The following RET variants were observed in gnomAD, a reference collection of about 807,000 sequenced individuals.
RET encodes proto-oncogene tyrosine-protein kinase receptor Ret.
Under a neutral mutation model 118.3 loss-of-function variants are expected in RET, and 19 were observed. The observed-to-expected ratio is 0.16, with a 90% confidence interval of 0.11 to 0.24. The LOEUF (loss-of-function observed/expected upper bound fraction) is 0.24, where lower values mean the gene tolerates loss of function less well. RET is among the 10% of genes least tolerant of loss of function. The pLI is 1.00. For missense variants in RET, 1,219 were observed against 1,502.1 expected (o/e 0.81, Z 3.12); for synonymous variants, 597 against 644.1 (o/e 0.93, Z 1.11).
intron 1 of RET, among the ~76,000 whole-genome samples, chr10:43,083,888 A>G (rs542464309): frequency 1.3e-5 from 2 of 152,336 alleles, no homozygotes; most frequent in East Asian, 1.9e-4. Flanking sequence ...CTTAGTTCCA[A>G]AAAATTTGCA....
Position 43,104,964 on chromosome 10 carries a change from C to G in RET, c.638C>G (p.Pro213Arg), listed in dbSNP as rs1313234246. ...GCTTGGTGCGCAGGTGAGGGTCTGCCCTTCCGCTGCGCCCCGGACAGCCTG... is the reference window on the plus strand; with the variant it reads ...GCTTGGTGCGCAGGTGAGGGTCTGCGCTTCCGCTGCGCCCCGGACAGCCTG... ...AYRLLEGEGLPFRCAPDSLEV... is the reference protein window; with the variant it reads ...AYRLLEGEGLRFRCAPDSLEV... Residue 213 changes from proline to arginine, a missense_variant, in exon 4 of 20, where the codon CCC becomes CGC. Coordinates refer to ENST00000355710, the MANE Select transcript of RET (RefSeq NM_020975.6). 6.4e-7 allele frequency: 1 copy of G among 1,568,546 alleles called. No homozygotes were observed. Among genetic ancestry groups the G allele is most frequent in the Non-Finnish European group, 8.6e-7 (1 of 1,165,560 alleles).
chr10:43,129,542 TG>T lies in RET; in HGVS notation c.*1278del, dbSNP rs886047008. On this transcript the variant is annotated 3_prime_UTR_variant, in exon 20 of 20. Transcript: ENST00000355710. ...GATGCACAACACTCCTCCAGTCTTGTGGGGGCAGCTTTTGGGAAGTCTCAGC... is the reference window on the plus strand; with the variant it reads ...GATGCACAACACTCCTCCAGTCTTGTGGGGCAGCTTTTGGGAAGTCTCAGC... 5.5e-5 allele frequency: 13 copies of T among 237,696 alleles called. No individual in the cohort carries two copies. The highest frequency in any genetic ancestry group is 2.9e-4 in the African/African-American group (13 of 45,526). The allele number at this position is 237,696 out of a possible 1,614,324, so 14.7% of individuals were successfully genotyped here.
At chr10:43,111,577 G>A in intron 7 of RET, 112 bp downstream of exon 7, 1 of 1,248,318 alleles carries the variant, frequency 8.0e-7, no homozygotes, top group South Asian at 1.5e-5. Flanking sequence ...GGGGAGTGGG[G>A]AAGGCATGGA....
In RET at chr10:43,100,568, G is replaced by C. The variant is rs1235890606; in HGVS notation, c.183G>C (p.Glu61Asp). ...LYVHALRDAP[E>D]EVPSFRLGQH... is the part of the protein sequence containing the mutation. ...TCCATGCCCTGCGGGACGCCCCTGAGGAGGTGCCCAGCTTCCGCCTGGGCC... is the reference window on the plus strand; with the variant it reads ...TCCATGCCCTGCGGGACGCCCCTGACGAGGTGCCCAGCTTCCGCCTGGGCC... The change falls in exon 2 of 20, where the codon GAG becomes GAC. Residue 61 changes from glutamate (E) to aspartate (D), a missense_variant. By Grantham distance (45) the Glu-to-Asp change is conservative. Transcript: ENST00000355710. The C allele has an allele frequency of 6.2e-7, 1 of 1,613,908 alleles. No individual in the cohort carries two copies. The highest frequency in any genetic ancestry group is 8.5e-7 in the Non-Finnish European group (1 of 1,180,030).
chr10:43,123,860 C>A (rs1288458995), intron 17 of RET, 52 bp downstream of exon 17: 1 of 1,611,778 alleles, frequency 6.2e-7, no homozygotes, highest in African/African-American at 1.3e-5. Context: ...GAGGGGACAT[C>A]TGTGTGCATT....
At chr10:43,112,311 GC>G (rs34827976) in intron 8 of RET, 87 bp downstream of exon 8, 1,163,386 of 1,535,872 alleles carry the variant, frequency 0.76, 443,196 homozygotes, top group African/African-American at 0.84. Context: ...GCCTGGGGTG[GC>G]TCTCCCTGCT....
At chr10:43,109,441 T>G (rs1440223962) in intron 6 of RET, among the ~76,000 whole-genome samples, 1 of 149,398 alleles carries the variant, frequency 6.7e-6, no homozygotes, top group Non-Finnish European at 1.5e-5. Context: ...TGGGCCTCTC[T>G]TTTTTTCCCC....
At chr10:43,100,402 T>TTTTTCTTTAAGAA in intron 1 of RET, 57 bp from the exon 2 acceptor site, 1 of 1,540,320 alleles carries the variant, frequency 6.5e-7, no homozygotes, top group Non-Finnish European at 8.9e-7. Context: ...TTTTTTTTTT[T>TTTTTCTTTAAGAA]GTCCTTGAAG....
At chr10:43,108,362 T>C (rs1837832741) in intron 5 of RET, among the ~76,000 whole-genome samples, 1 of 152,180 alleles carries the variant, frequency 6.6e-6, no homozygotes. Flanking sequence ...GTAGGGTGTT[T>C]CTTAACCCTT....
At chr10:43,108,285 T>C (rs1588868745) in intron 5 of RET, among the ~76,000 whole-genome samples, 1 of 151,366 alleles carries the variant, frequency 6.6e-6, no homozygotes, top group East Asian at 1.9e-4. Context: ...GCCTGGGAGG[T>C]CAAGGCTGCA....
In RET at chr10:43,129,315, G is replaced by C. The variant is rs143948954; in HGVS notation, c.*1046G>C. On this transcript the variant is annotated 3_prime_UTR_variant, in exon 20 of 20. Coordinates refer to ENST00000355710, the MANE Select transcript of RET (RefSeq NM_020975.6). ...CTGTGTTAGAAGTAGCAATGACAAT[G>C]ACCAAGGACTGCTACACCTCTGATT... 669 of 233,716 alleles carry C rather than the reference G, an allele frequency of 2.9e-3. 11 individuals are homozygous for C. Among genetic ancestry groups the C allele is most frequent in the South Asian group, 0.014 (75 of 5,532 alleles). The allele number at this position is 233,716 out of a possible 1,614,324, so 14.5% of individuals were successfully genotyped here.
chr10:43,115,164 T>C (rs1010343621), intron 11 of RET, among the ~76,000 whole-genome samples: 2 of 152,148 alleles, frequency 1.3e-5, no homozygotes, highest in African/African-American at 2.4e-5. Flanking sequence ...TCAGTGTTCC[T>C]ACTAGCACTG....
intron 1 of RET, among the ~76,000 whole-genome samples, chr10:43,096,060 C>G: frequency 6.6e-6 from 1 of 152,216 alleles, no homozygotes; most frequent in African/African-American, 2.4e-5. Flanking sequence ...CCCTGGCAAC[C>G]AAAGCTGTCC....
intron 4 of RET, among the ~76,000 whole-genome samples, chr10:43,105,549 G>A (rs936470834): frequency 5.3e-5 from 8 of 152,182 alleles, no homozygotes; most frequent in Admixed American, 5.2e-4. Flanking sequence ...GGGCCCTTGA[G>A]TGACCACGAG....
At chr10:43,111,962 G>T (rs1837944399) in intron 7 of RET, 137 bp from the exon 8 acceptor site, 1 of 1,266,512 alleles carries the variant, frequency 7.9e-7, no homozygotes, top group African/African-American at 1.5e-5. Flanking sequence ...TGTCTTTGCT[G>T]CCCTGGGTCT....
chr10:43,109,337 A>G lies in RET; in HGVS notation c.1263+107A>G, dbSNP rs1478848371. The G allele has an allele frequency of 3.5e-6, 4 of 1,147,648 alleles. No individual in the cohort carries two copies. The East Asian group carries it at 7.6e-5, about 22-fold the overall frequency. 71.1% of individuals were successfully genotyped at this position (1,147,648 alleles called of 1,614,324 possible). A position where few individuals can be genotyped will look rare whatever the true frequency, so the allele number is the denominator to read the frequency against. On this transcript the variant is annotated intron_variant, in intron 6 of 19. Coordinates refer to ENST00000355710, the MANE Select transcript of RET (RefSeq NM_020975.6). Reference sequence around the variant, plus strand: ...TCTTGGCCCAACCAGCACAGAGTAGACTGGGTGGAGTCCTGAGCCCAGGGC... The same window carrying G: ...TCTTGGCCCAACCAGCACAGAGTAGGCTGGGTGGAGTCCTGAGCCCAGGGC...
At chr10:43,119,172 C>G (rs1946855145) in intron 13 of RET, among the ~76,000 whole-genome samples, 1 of 152,184 alleles carries the variant, frequency 6.6e-6, no homozygotes, top group Admixed American at 6.5e-5. Context: ...GCGCAGGCCT[C>G]TGCCTCCATC....
chr10:43,128,236 A>G lies in RET; in HGVS notation c.3312A>G (p.Ser1104=). The stretch of plus-strand genomic sequence containing the variant: ...ATGCTAACTGGATGCTTTCACCCTC[A>G]GCGGCAAAATTAATGGACACGTTTG... ...SVYANWMLSP[S]AAKLMDTFDS Residue 1104 remains serine (S), a synonymous_variant, in exon 20 of 20, where the codon TCA becomes TCG. Transcript: ENST00000355710. 1 of 1,614,206 alleles carries G rather than the reference A, an allele frequency of 6.2e-7. No individual in the cohort carries two copies. The highest frequency in any genetic ancestry group is 8.5e-7 in the Non-Finnish European group (1 of 1,180,046).
At chr10:43,082,483 T>C (rs779099113) in intron 1 of RET, among the ~76,000 whole-genome samples, 2 of 152,210 alleles carry the variant, frequency 1.3e-5, no homozygotes, top group African/African-American at 2.4e-5. Context: ...ATATCAGGGA[T>C]ACCTGGAGGG....
Sources: allele counts gnomAD v4.1 joint callset (sites outside exome capture counted in the v4.1 genomes callset), GRCh38; gene constraint gnomAD v4.1.1; transcripts MANE v1.5; gene names NCBI Gene and HGNC (gene_info 2026-07-23, HGNC 2026-07-21).